DCN: variants seen among roughly 807,000 people sequenced by gnomAD.
The protein encoded by DCN is decorin, also known as bone proteoglycan II.
Under a neutral mutation model 36.5 loss-of-function variants are expected in DCN, and 17 were observed. That is an observed-to-expected ratio of 0.47 (90% confidence interval 0.32 to 0.70). The LOEUF is 0.70. Among genes scored for constraint, DCN ranks in the 30% least tolerant of loss-of-function variants. The probability of loss-of-function intolerance (pLI) is 0.04; values close to 1 mark genes in which losing one functional copy is unlikely to be tolerated. For missense variants in DCN, 389 were observed against 430.1 expected (o/e 0.90, Z 0.84); for synonymous variants, 163 against 161.4 (o/e 1.01, Z -0.07).
At chr12:91,154,762 G>C (rs1181980742) in intron 5 of DCN, among the ~76,000 whole-genome samples, 1 of 151,482 alleles carries the variant, frequency 6.6e-6, no homozygotes, top group Non-Finnish European at 1.5e-5. Context: ...GGTTTACATT[G>C]GGCCAAGTAC....
chr12:91,144,050 T>G lies in DCN; in HGVS notation c.*2008A>C, dbSNP rs980898774. ...CAAAATGGTCTTCCCCTCTTTAGATTTCTACTTATTTCTCACCACACTTGT... is the reference window on the plus strand; with the variant it reads ...CAAAATGGTCTTCCCCTCTTTAGATGTCTACTTATTTCTCACCACACTTGT... On this transcript the variant is annotated 3_prime_UTR_variant, in exon 8 of 8. Coordinates refer to ENST00000052754, the MANE Select transcript of DCN (RefSeq NM_001920.5). 1 of 151,986 alleles carries G rather than the reference T, an allele frequency of 6.6e-6. No individual in the cohort carries two copies. The highest frequency in any genetic ancestry group is 1.5e-5 in the Non-Finnish European group (1 of 68,006). The allele number at this position is 151,986 out of a possible 1,614,324, so 9.4% of individuals were successfully genotyped here.
chr12:91,148,234 C>A (rs973655260), intron 7 of DCN, among the ~76,000 whole-genome samples: 5 of 151,844 alleles, frequency 3.3e-5, no homozygotes, highest in Non-Finnish European at 7.4e-5. Context: ...CCACCACGCC[C>A]GGCTAATTTT....
At chr12:91,172,737 C>T (rs1194030503) in intron 2 of DCN, 1 of 698,910 alleles carries the variant, frequency 1.4e-6, no homozygotes. Flanking sequence ...AGCATTAATT[C>T]AAGAACCAAG....
rs200516355 is a variant in DCN, at chr12:91,178,343, C to T, written c.210G>A (p.Leu70=). Residue 70 remains leucine, a splice_region_variant and synonymous_variant, in exon 2 of 8, where the codon TTG becomes TTA. Transcript: ENST00000052754. ...AAAGAGAAACTGCATCCCACTCACC[C>T]AAATCAGAACACTGGACCACTCGAA... is the stretch of plus-strand genomic sequence containing the variant. ...CHLRVVQCSD[L]GLDKVPKDLP... 2.5e-5 allele frequency: 40 copies of T among 1,613,164 alleles called. No homozygotes were observed. The highest frequency in any genetic ancestry group is 3.3e-5 in the Admixed American group (2 of 59,944).
intron 2 of DCN, among the ~76,000 whole-genome samples, chr12:91,168,040 C>G (rs2121270994): frequency 6.6e-6 from 1 of 152,172 alleles, no homozygotes; most frequent in East Asian, 1.9e-4. Context: ...ACCGTGTTAG[C>G]CAGGATGGTC....
At chr12:91,165,856 G>A (rs929043325) in intron 2 of DCN, among the ~76,000 whole-genome samples, 1 of 152,042 alleles carries the variant, frequency 6.6e-6, no homozygotes, top group Non-Finnish European at 1.5e-5. Flanking sequence ...GAATTTATTA[G>A]ATCCTGGGAA....
intron 2 of DCN, among the ~76,000 whole-genome samples, chr12:91,174,853 T>A (rs1345065414): frequency 6.6e-6 from 1 of 152,142 alleles, no homozygotes; most frequent in Non-Finnish European, 1.5e-5. Flanking sequence ...CAATACTTGT[T>A]CTTATTTGAC....
rs1232726737 is a variant in DCN, at chr12:91,141,738, T to C, written c.*4320A>G. The C allele has an allele frequency of 6.6e-6, 1 of 152,210 alleles. No homozygotes were observed. Among genetic ancestry groups the C allele is most frequent in the Non-Finnish European group, 1.5e-5 (1 of 68,034 alleles). The allele number at this position is 152,210 out of a possible 1,614,324, so 9.4% of individuals were successfully genotyped here. On this transcript the variant is annotated 3_prime_UTR_variant, in exon 8 of 8. Coordinates refer to ENST00000052754, the MANE Select transcript of DCN (RefSeq NM_001920.5). ...AAATTGATTTGTGTTTCTATGCTTG[T>C]TCCTGATGGCCTGGAAGCATTCATT... is the stretch of plus-strand genomic sequence containing the variant.
intron 5 of DCN, among the ~76,000 whole-genome samples, chr12:91,156,328 T>G (rs1054239404): frequency 7.9e-5 from 12 of 152,206 alleles, no homozygotes; most frequent in Non-Finnish European, 1.3e-4. Flanking sequence ...ACATACTGAT[T>G]GTTCAGAACA....
intron 2 of DCN, among the ~76,000 whole-genome samples, chr12:91,166,668 G>C (rs1434769419): frequency 6.6e-6 from 1 of 152,154 alleles, no homozygotes; most frequent in African/African-American, 2.4e-5. Context: ...TGTAGGGAAA[G>C]AATGATGTGT....
At chr12:91,157,480 G>T in intron 4 of DCN, among the ~76,000 whole-genome samples, 1 of 152,104 alleles carries the variant, frequency 6.6e-6, no homozygotes, top group Non-Finnish European at 1.5e-5. Flanking sequence ...GCATACACAG[G>T]TTTGCCCAGA....
intron 1 of DCN, chr12:91,179,477 C>T (rs572351312): frequency 2.6e-5 from 4 of 152,384 alleles, no homozygotes; most frequent in Non-Finnish European, 5.9e-5. Context: ...GCACGTTGCT[C>T]TTACCTCTTT....
Position 91,140,862 on chromosome 12 carries a change from C to T in DCN, c.*5196G>A, listed in dbSNP as rs1203419265. 1.3e-5 allele frequency: 2 copies of T among 152,352 alleles called. No individual in the cohort carries two copies. The highest frequency in any genetic ancestry group is 1.9e-4 in the East Asian group (1 of 5,180). The allele number at this position is 152,352 out of a possible 1,614,324, so 9.4% of individuals were successfully genotyped here. A position where few individuals can be genotyped will look rare whatever the true frequency, so the allele number is the denominator to read the frequency against. On this transcript the variant is annotated 3_prime_UTR_variant, in exon 8 of 8. Transcript: ENST00000052754. ...AATGGTGACTTCATCCTTCCAGTGG[C>T]CCAGGCCAAAATTCCTGAAGTCATC...
At chr12:91,148,361 C>T (rs1565771853) in intron 7 of DCN, among the ~76,000 whole-genome samples, 2 of 152,090 alleles carry the variant, frequency 1.3e-5, no homozygotes, top group East Asian at 3.9e-4. Flanking sequence ...GCATGAGCCA[C>T]TGCGTCCTGC....
At chr12:91,174,435 A>G (rs1414695583) in intron 2 of DCN, among the ~76,000 whole-genome samples, 4 of 152,108 alleles carry the variant, frequency 2.6e-5, no homozygotes, top group Admixed American at 2.6e-4. Flanking sequence ...AATAAGTATA[A>G]GTCATTGAGA....
intron 7 of DCN, among the ~76,000 whole-genome samples, chr12:91,148,623 G>A (rs1305752437): frequency 6.8e-6 from 1 of 147,630 alleles, no homozygotes; most frequent in Non-Finnish European, 1.5e-5. Context: ...GGCTGAGGCA[G>A]GAGAATTTCT....
intron 2 of DCN, among the ~76,000 whole-genome samples, chr12:91,170,301 CTG>C (rs1433177850): frequency 6.6e-6 from 1 of 152,082 alleles, no homozygotes; most frequent in Non-Finnish European, 1.5e-5. Flanking sequence ...GATTATTCAT[CTG>C]TAACTCTTTC....
rs1880906717 is a variant in DCN at position 91,144,641 on chromosome 12, A to C, written c.*1417T>G. 6.6e-6 allele frequency: 1 copy of C among 152,198 alleles called. No homozygotes were observed. The highest frequency in any genetic ancestry group is 2.1e-4 in the South Asian group (1 of 4,828). 9.4% of individuals were successfully genotyped at this position (152,198 alleles called of 1,614,324 possible). A position where few individuals can be genotyped will look rare whatever the true frequency, so the allele number is the denominator to read the frequency against. On this transcript the variant is annotated 3_prime_UTR_variant, in exon 8 of 8. Transcript: ENST00000052754. The stretch of plus-strand genomic sequence containing the variant: ...TCAGAAGAAGAAAAATAGTTTGATT[A>C]AGCCTCCTTTATGCCAACCTGTCAG...
chr12:91,173,916 G>A lies in DCN; in HGVS notation c.211+4426C>T, dbSNP rs553420410. ...CCAGTTCAAGAAAAATGATTATGAA[G>A]AAGAAGCAACTACATAATTTAAAAG... On this transcript the variant is annotated intron_variant, in intron 2 of 7. Transcript: ENST00000052754. Among the ~76,000 whole-genome samples the A allele has an allele frequency of 2.0e-5, 3 of 152,222 alleles. No individual in the cohort carries two copies. The South Asian group carries it at 6.2e-4, about 32-fold the overall frequency.
Sources: allele counts gnomAD v4.1 joint callset (sites outside exome capture counted in the v4.1 genomes callset), GRCh38; gene constraint gnomAD v4.1.1; transcripts MANE v1.5; gene names NCBI Gene and HGNC (gene_info 2026-07-23, HGNC 2026-07-21).